Variants in HTR2C observed in about 807,000 individuals in gnomAD.
The protein encoded by HTR2C is 5-hydroxytryptamine (serotonin) receptor 2C, G protein-coupled.
HTR2C carries 5 observed loss-of-function variants against 21.0 expected under a neutral mutation model. The ratio of observed to expected loss-of-function variants is 0.24; its 90% CI spans 0.12 to 0.50. The LOEUF is 0.50. HTR2C is among the 20% of genes least tolerant of loss of function. The pLI is 0.98. For missense variants in HTR2C, 271 were observed against 371.2 expected, an observed-to-expected ratio of 0.73 and a Z score of 2.22; for synonymous variants, 150 against 145.3, an observed-to-expected ratio of 1.03 and a Z score of -0.23.
At chrX:114,717,803 T>G (rs946815136) in intron 2 of HTR2C, 1 of 111,667 alleles carries the variant, frequency 9.0e-6, no homozygotes, top group Non-Finnish European at 1.9e-5. Context: ...TCCTTTATTC[T>G]TAGATAGTAT....
At chrX:114,658,065 TTTTGTTTG>T (rs1340239406) in intron 2 of HTR2C, among the ~76,000 whole-genome samples, 1 of 110,578 alleles carries the variant, frequency 9.0e-6, no homozygotes, top group Non-Finnish European at 1.9e-5. Flanking sequence ...AACAATTTTT[TTTTGTTTG>T]TTTGTTTGTT....
chrX:114,802,606 CTT>C (rs201533765), intron 4 of HTR2C, among the ~76,000 whole-genome samples: 1,371 of 110,743 alleles, frequency 0.012, 19 homozygotes, highest in African/African-American at 0.042. Flanking sequence ...ATAATTAAGA[CTT>C]AATGAAATTT....
chrX:114,802,343 T>C, intron 4 of HTR2C, among the ~76,000 whole-genome samples: 1 of 111,418 alleles, frequency 9.0e-6, no homozygotes, highest in East Asian at 2.8e-4. Flanking sequence ...AATCTAATGA[T>C]ACTGTTAGAT....
intron 2 of HTR2C, among the ~76,000 whole-genome samples, chrX:114,631,987 A>T (rs1929646103): frequency 8.9e-6 from 1 of 112,042 alleles, no homozygotes; most frequent in East Asian, 2.8e-4. Flanking sequence ...TTACTGCAGC[A>T]CCTATCCCAG....
At chrX:114,677,711 C>T (rs1931607584) in intron 2 of HTR2C, among the ~76,000 whole-genome samples, 1 of 111,557 alleles carries the variant, frequency 9.0e-6, no homozygotes, top group South Asian at 3.7e-4. Context: ...TGTAAACAAT[C>T]TTGAGTATTG....
chrX:114,880,279 T>C (rs988186823), intron 5 of HTR2C, among the ~76,000 whole-genome samples: 47 of 110,874 alleles, frequency 4.2e-4, no homozygotes, highest in South Asian at 3.3e-3. Flanking sequence ...GGACATTTCT[T>C]ATAAATGAAA....
intron 4 of HTR2C, among the ~76,000 whole-genome samples, chrX:114,765,508 C>T (rs1242679705): frequency 9.0e-6 from 1 of 110,682 alleles, no homozygotes; most frequent in Non-Finnish European, 1.9e-5. Context: ...ATCCTCACAT[C>T]ACTGGTATTA....
chrX:114,627,395 AT>A (rs1929422245), intron 2 of HTR2C, among the ~76,000 whole-genome samples: 1 of 111,362 alleles, frequency 9.0e-6, no homozygotes, highest in Non-Finnish European at 1.9e-5. Context: ...AACTAAGGTA[AT>A]GATGGAGAAC....
chrX:114,775,392 A>C (rs144511633), intron 4 of HTR2C: 7,116 of 527,681 alleles, frequency 0.013, 251 homozygotes, highest in Admixed American at 0.11. Context: ...TGTGAGTTCA[A>C]ACTTGTCAAG....
intron 4 of HTR2C, among the ~76,000 whole-genome samples, chrX:114,812,070 C>G (rs1169118402): frequency 9.0e-6 from 1 of 110,669 alleles, no homozygotes; most frequent in Non-Finnish European, 1.9e-5. Context: ...CATGTTTTAG[C>G]TATTTTTCCT....
chrX:114,786,945 A>C (rs17260600), intron 4 of HTR2C, among the ~76,000 whole-genome samples: 4,874 of 111,063 alleles, frequency 0.044, 97 homozygotes, highest in Non-Finnish European at 0.067. Flanking sequence ...CATCATTGCT[A>C]AGTATTCTGG....
At chrX:114,874,139 TG>T (rs1556477333) in intron 5 of HTR2C, among the ~76,000 whole-genome samples, 1 of 5,090 alleles carries the variant, frequency 2.0e-4, no homozygotes, top group Admixed American at 3.9e-3. Flanking sequence ...ATAATTCTCT[TG>T]TGTGTGTGTG....
intron 4 of HTR2C, among the ~76,000 whole-genome samples, chrX:114,753,323 G>A (rs1288749936): frequency 9.0e-6 from 1 of 111,710 alleles, no homozygotes; most frequent in Non-Finnish European, 1.9e-5. Context: ...ATAAGGCAAG[G>A]ATATCAATGT....
At chrX:114,788,524 A>G (rs2070200561) in intron 4 of HTR2C, among the ~76,000 whole-genome samples, 2 of 110,920 alleles carry the variant, frequency 1.8e-5, no homozygotes, top group African/African-American at 6.6e-5. Context: ...GGCCTCCCAA[A>G]GTGATGGGAT....
chrX:114,724,992 T>C (rs1933395213), intron 2 of HTR2C, among the ~76,000 whole-genome samples: 1 of 110,582 alleles, frequency 9.0e-6, no homozygotes, highest in Non-Finnish European at 1.9e-5. Context: ...CAAGTGTGTG[T>C]CTTAGAGTTG....
intron 5 of HTR2C, among the ~76,000 whole-genome samples, chrX:114,894,407 G>A (rs2071280443): frequency 1.8e-5 from 2 of 111,249 alleles, no homozygotes; most frequent in African/African-American, 6.5e-5. Context: ...ATATTTAAGT[G>A]TAGATCTTAT....
intron 2 of HTR2C, among the ~76,000 whole-genome samples, chrX:114,698,775 C>T (rs1189028220): frequency 8.9e-6 from 1 of 111,844 alleles, no homozygotes; most frequent in Non-Finnish European, 1.9e-5. Flanking sequence ...AATACTAATT[C>T]ATCCCATTCT....
chrX:114,605,972 G>T (rs1928401800), intron 1 of HTR2C, among the ~76,000 whole-genome samples: 1 of 107,419 alleles, frequency 9.3e-6, no homozygotes, highest in South Asian at 4.4e-4. Flanking sequence ...GGGGCACAGA[G>T]ATACGAGGTT....
chrX:114,865,756 T>C (rs1171348782), intron 5 of HTR2C, among the ~76,000 whole-genome samples: 1 of 111,799 alleles, frequency 8.9e-6, no homozygotes, highest in African/African-American at 3.3e-5. Flanking sequence ...TTAATTGTTA[T>C]TTGTATATTC....
Sources: gnomAD v4.1 joint callset for allele counts (sites outside exome capture counted in the v4.1 genomes callset) on GRCh38, gnomAD v4.1.1 for gene constraint, MANE v1.5 for transcripts, NCBI Gene and HGNC (gene_info 2026-07-23, HGNC 2026-07-21) for gene names.